The following ULK4 variants were observed in gnomAD, a reference collection of about 807,000 sequenced individuals.
The protein encoded by ULK4 is unc-51 like kinase 4, also known as inactive serine/threonine-protein kinase ULK4.
A neutral mutation model predicts 160.6 loss-of-function variants in ULK4; 133 were observed. The ratio of observed to expected loss-of-function variants is 0.83; its 90% CI spans 0.72 to 0.96. The LOEUF (loss-of-function observed/expected upper bound fraction) is 0.96, where lower values mean the gene tolerates loss of function less well. Ranked by LOEUF, ULK4 falls within the 40% of genes least tolerant of loss-of-function variation. The probability of loss-of-function intolerance (pLI) is 0.00; values close to 1 mark genes in which losing one functional copy is unlikely to be tolerated. For synonymous variants in ULK4, 534 were observed against 539.8 expected (o/e 0.99, Z 0.15); for missense variants, 1,580 against 1,499.5 (o/e 1.05, Z -0.89).
At position 41,789,721 on chromosome 3, in the gene ULK4, C is replaced by T; in HGVS notation, c.2133G>A (p.Leu711=). 1.9e-6 allele frequency: 3 copies of T among 1,613,226 alleles called. No individual in the cohort carries two copies. The highest frequency in any genetic ancestry group is 2.5e-6 in the Non-Finnish European group (3 of 1,179,600). The change falls in exon 21 of 37, where the codon TTG becomes TTA. Residue 711 remains leucine (L), a synonymous_variant. Coordinates refer to ENST00000301831, the MANE Select transcript of ULK4 (RefSeq NM_017886.4). ...SAICKVQQYM[L]TLFAAMLSCG... ...AGGACAACATGGCAGCGAATAAGGTCAACATGTACTGCTGAACTTTGCAGA... is the reference window on the plus strand; with the variant it reads ...AGGACAACATGGCAGCGAATAAGGTTAACATGTACTGCTGAACTTTGCAGA...
intron 34 of ULK4, among the ~76,000 whole-genome samples, chr3:41,424,566 G>A (rs530677836): frequency 6.6e-6 from 1 of 152,290 alleles, no homozygotes; most frequent in African/African-American, 2.4e-5. Flanking sequence ...AGAAAAAGGA[G>A]CAGGCAGCCA....
chr3:41,729,861 T>A (rs7610988), intron 22 of ULK4, among the ~76,000 whole-genome samples: 20,301 of 152,160 alleles, frequency 0.13, 4,412 homozygotes, highest in African/African-American at 0.46. Context: ...CGGCACAAAG[T>A]CTACACTACT....
intron 20 of ULK4, among the ~76,000 whole-genome samples, chr3:41,796,132 G>C (rs1412799635): frequency 6.6e-6 from 1 of 152,076 alleles, no homozygotes; most frequent in Non-Finnish European, 1.5e-5. Flanking sequence ...AGTGGTAGCA[G>C]CAAGGGAGGT....
chr3:41,655,465 C>T (rs1487072856), intron 30 of ULK4, among the ~76,000 whole-genome samples: 1 of 151,846 alleles, frequency 6.6e-6, no homozygotes, highest in African/African-American at 2.4e-5. Context: ...CAACATGGCA[C>T]ATGTATACAT....
intron 30 of ULK4, among the ~76,000 whole-genome samples, chr3:41,639,287 C>T (rs887129517): frequency 6.6e-6 from 1 of 152,178 alleles, no homozygotes; most frequent in Non-Finnish European, 1.5e-5. Context: ...TTTCTTGTTG[C>T]CACTGTCTTC....
intron 19 of ULK4, among the ~76,000 whole-genome samples, chr3:41,806,981 C>G (rs888426997): frequency 6.6e-6 from 1 of 151,966 alleles, no homozygotes; most frequent in Non-Finnish European, 1.5e-5. Flanking sequence ...AACCTCTTGT[C>G]TCTACCAAGC....
chr3:41,538,844 A>C (rs2086599458), intron 32 of ULK4, among the ~76,000 whole-genome samples: 1 of 152,098 alleles, frequency 6.6e-6, no homozygotes, highest in Admixed American at 6.6e-5. Flanking sequence ...TTATGGAGAA[A>C]ATGATGCTGT....
At chr3:41,526,111 C>CT (rs532746545) in intron 32 of ULK4, among the ~76,000 whole-genome samples, 441 of 152,306 alleles carry the variant, frequency 2.9e-3, no homozygotes, top group Middle Eastern at 0.01. Flanking sequence ...TTCCTTTGTG[C>CT]TCCTGAACCT....
At chr3:41,407,231 A>G (rs950891887) in intron 34 of ULK4, among the ~76,000 whole-genome samples, 3 of 152,318 alleles carry the variant, frequency 2.0e-5, no homozygotes, top group Admixed American at 1.3e-4. Context: ...CAACAACAAC[A>G]AACATACTCC....
At chr3:41,287,461 C>A (rs1429035201) in intron 35 of ULK4, among the ~76,000 whole-genome samples, 1 of 152,146 alleles carries the variant, frequency 6.6e-6, no homozygotes, top group Non-Finnish European at 1.5e-5. Flanking sequence ...GAATATGATG[C>A]TTATCTTCAT....
At chr3:41,706,993 C>T (rs755122260) in intron 25 of ULK4, among the ~76,000 whole-genome samples, 5 of 151,702 alleles carry the variant, frequency 3.3e-5, no homozygotes, top group Non-Finnish European at 7.4e-5. Flanking sequence ...ACCCACTACT[C>T]AAGTTAAGAA....
chr3:41,410,312 G>A (rs946677655), intron 34 of ULK4, among the ~76,000 whole-genome samples: 1 of 152,072 alleles, frequency 6.6e-6, no homozygotes, highest in African/African-American at 2.4e-5. Context: ...ACACAAATGC[G>A]ATACACTCAT....
At chr3:41,281,068 A>C (rs1024264368) in intron 35 of ULK4, among the ~76,000 whole-genome samples, 1 of 152,218 alleles carries the variant, frequency 6.6e-6, no homozygotes, top group Non-Finnish European at 1.5e-5. Context: ...GAAATGGATA[A>C]ATTCCTGGAC....
At chr3:41,352,830 G>A (rs2125763200) in intron 35 of ULK4, among the ~76,000 whole-genome samples, 1 of 152,240 alleles carries the variant, frequency 6.6e-6, no homozygotes, top group Admixed American at 6.5e-5. Context: ...GCCTAACTAG[G>A]TTCAGTTAAC....
At chr3:41,672,351 T>A (rs1419084798) in intron 29 of ULK4, among the ~76,000 whole-genome samples, 3 of 152,158 alleles carry the variant, frequency 2.0e-5, no homozygotes, top group Admixed American at 1.3e-4. Context: ...ATGTACCCAA[T>A]GGAATACTAT....
chr3:41,831,920 G>C (rs1244214922), intron 18 of ULK4, among the ~76,000 whole-genome samples: 3 of 152,144 alleles, frequency 2.0e-5, no homozygotes, highest in Non-Finnish European at 4.4e-5. Context: ...TGGTGTATAT[G>C]TGCCACATTT....
intron 34 of ULK4, among the ~76,000 whole-genome samples, chr3:41,425,836 C>T (rs2082765540): frequency 1.3e-5 from 2 of 152,104 alleles, no homozygotes; most frequent in Non-Finnish European, 1.5e-5. Context: ...TACTGAAGTA[C>T]AAAGACCAAT....
intron 36 of ULK4, among the ~76,000 whole-genome samples, chr3:41,248,148 G>A (rs530442144): frequency 3.3e-5 from 5 of 152,304 alleles, no homozygotes; most frequent in Admixed American, 6.5e-5. Flanking sequence ...GACCCATAGC[G>A]CAGGTGCCTA....
chr3:41,459,705 T>C (rs951465683), intron 33 of ULK4, among the ~76,000 whole-genome samples: 2 of 152,128 alleles, frequency 1.3e-5, no homozygotes, highest in African/African-American at 4.8e-5. Context: ...CTAGAAGTCA[T>C]ATGGAGTACA....
Sources: gnomAD v4.1 joint callset for allele counts (sites outside exome capture counted in the v4.1 genomes callset) on GRCh38, gnomAD v4.1.1 for gene constraint, MANE v1.5 for transcripts, NCBI Gene and HGNC (gene_info 2026-07-23, HGNC 2026-07-21) for gene names.